The following C17orf78 variants were observed in gnomAD, a reference collection of about 807,000 sequenced individuals.
C17orf78 encodes chromosome 17 open reading frame 78.
C17orf78 carries 27 observed loss-of-function variants against 31.8 expected under a neutral mutation model. The observed-to-expected ratio is 0.85, with a 90% CI of 0.63 to 1.17. C17orf78 has a LOEUF of 1.17. C17orf78 is among the 50% of genes most tolerant of loss of function. C17orf78 has a pLI of 0.00. For synonymous variants in C17orf78, 106 were observed against 115.1 expected, an observed-to-expected ratio of 0.92 and a Z score of 0.51; for missense variants, 258 against 315.2, an observed-to-expected ratio of 0.82 and a Z score of 1.37.
chr17:37,377,348 A>G (rs1484134955), intron 1 of C17orf78, among the ~76,000 whole-genome samples: 2 of 152,112 alleles, frequency 1.3e-5, no homozygotes, highest in South Asian at 2.1e-4. Flanking sequence ...ACTACTTTGT[A>G]TGTATTTGGC....
intron 6 of C17orf78, among the ~76,000 whole-genome samples, chr17:37,389,692 A>C (rs2050707116): frequency 6.6e-6 from 1 of 152,028 alleles, no homozygotes; most frequent in African/African-American, 2.4e-5. Context: ...GTCTCAAAAA[A>C]AAAAGAAAGA....
At chr17:37,382,296 G>A (rs12601443) in intron 3 of C17orf78, among the ~76,000 whole-genome samples, 3 of 151,832 alleles carry the variant, frequency 2.0e-5, no homozygotes, top group Non-Finnish European at 4.4e-5. Flanking sequence ...CTTAACCTCA[G>A]CCTGAAGTTT....
Position 37,388,903 on chromosome 17 carries a change from G to C in C17orf78, c.633+109G>C, listed in dbSNP as rs2050668793. 6 of 1,389,322 alleles carry C rather than the reference G, an allele frequency of 4.3e-6. No individual in the cohort carries two copies. In the East Asian group the frequency reaches 1.4e-4, roughly 33 times the overall value. The allele number at this position is 1,389,322 out of a possible 1,614,324, so 86.1% of individuals were successfully genotyped here. A position where few individuals can be genotyped will look rare whatever the true frequency, so the allele number is the denominator to read the frequency against. ...AAGCATAGACTTTGGAATTTGAGGA[G>C]ATGTGCCACTCACACTCACTAGCTG... On this transcript the variant is annotated intron_variant, in intron 5 of 6. Transcript: ENST00000615133.
chr17:37,390,314 A>ACATAAT lies in C17orf78; in HGVS notation c.750+952_750+953insCATAAT, dbSNP rs1555672296. Among the ~76,000 whole-genome samples the ACATAAT allele has an allele frequency of 5.4e-4, 21 of 38,692 alleles. 6 individuals carry two copies. In the East Asian group the frequency reaches 0.024, roughly 44 times the overall value. 25.4% of individuals were successfully genotyped at this position (38,692 alleles called of 152,430 possible). A position where few individuals can be genotyped will look rare whatever the true frequency, so the allele number is the denominator to read the frequency against. On this transcript the variant is annotated intron_variant, in intron 6 of 6. Coordinates refer to ENST00000615133, the MANE Select transcript of C17orf78 (RefSeq NM_173625.5). ...ATATATTATACATAATTATATATATATATATATATATATATATATAAAAGG... is the reference window on the plus strand; with the variant it reads ...ATATATTATACATAATTATATATATACATAATTATATATATATATATATATAAAAGG...
intron 3 of C17orf78, among the ~76,000 whole-genome samples, chr17:37,383,634 G>A (rs1241678786): frequency 6.6e-6 from 1 of 152,136 alleles, no homozygotes; most frequent in East Asian, 1.9e-4. Context: ...TGCAACCTCC[G>A]CCTCCCAGGT....
chr17:37,391,556 G>A, intron 6 of C17orf78, 91 bp from the exon 7 acceptor site: 2 of 1,108,520 alleles, frequency 1.8e-6, no homozygotes, highest in Non-Finnish European at 2.7e-6. Flanking sequence ...AATTACATGG[G>A]GTTTTGTACT....
At chr17:37,381,848 C>G (rs11871270) in intron 3 of C17orf78, among the ~76,000 whole-genome samples, 3 of 150,916 alleles carry the variant, frequency 2.0e-5, no homozygotes, top group Non-Finnish European at 4.4e-5. Context: ...AGGATGGTCT[C>G]GATCGCCTGA....
intron 3 of C17orf78, among the ~76,000 whole-genome samples, chr17:37,381,777 G>T (rs968731684): frequency 1.1e-4 from 17 of 151,308 alleles, no homozygotes; most frequent in Non-Finnish European, 1.8e-4. Context: ...ACAGGCACTC[G>T]CCACCACACC....
chr17:37,386,555 G>A (rs1597774095), intron 4 of C17orf78, among the ~76,000 whole-genome samples: 1 of 152,092 alleles, frequency 6.6e-6, no homozygotes, highest in Admixed American at 6.6e-5. Context: ...TTGTCCCACT[G>A]CACTCCAGCA....
chr17:37,388,155 G>GA (rs552889702), intron 4 of C17orf78, among the ~76,000 whole-genome samples: 94 of 151,804 alleles, frequency 6.2e-4, no homozygotes, highest in Non-Finnish European at 4.3e-4. Flanking sequence ...GCCAGAGTGA[G>GA]AAAAAAAATG....
intron 2 of C17orf78, among the ~76,000 whole-genome samples, chr17:37,378,790 G>A (rs935029680): frequency 2.6e-5 from 4 of 152,198 alleles, no homozygotes; most frequent in Admixed American, 1.3e-4. Flanking sequence ...GGTCGGGTGC[G>A]GTGGCTCATG....
chr17:37,379,144 CACAG>C lies in C17orf78; in HGVS notation c.155_158del (p.Thr52LysfsTer13). 1 of 1,612,648 alleles carries C rather than the reference CACAG, an allele frequency of 6.2e-7. No individual in the cohort carries two copies. Among genetic ancestry groups the C allele is most frequent in the African/African-American group, 1.3e-5 (1 of 74,960 alleles). On this transcript the variant is annotated frameshift_variant, in exon 3 of 7. Coordinates refer to ENST00000615133, the MANE Select transcript of C17orf78 (RefSeq NM_173625.5). LOFTEE classifies it high-confidence loss of function. ...TGGTTCTTCTCCTTCCAGAAACTCA[CACAG>C]AAACCAAAAGGACAACATTCATTCA...
intron 2 of C17orf78, 116 bp downstream of exon 2, chr17:37,378,081 A>G: frequency 7.4e-6 from 7 of 943,158 alleles, no homozygotes; most frequent in Non-Finnish European, 1.1e-5. Context: ...TATTTTAAGG[A>G]TATGTATCCT....
rs1386032855 is a variant in C17orf78, at chr17:37,390,330, A to ATATATATATATATCTATATATC, written c.750+972_750+973insTATATATATCTATATATCTATA. On this transcript the variant is annotated intron_variant, in intron 6 of 6. Transcript: ENST00000615133. ...TATATATATATATATATATATATAT[A>ATATATATATATATCTATATATC]TATAAAAGGCCAGCTGGGCCGGGCA... is the stretch of plus-strand genomic sequence containing the variant. Among the ~76,000 whole-genome samples the ATATATATATATATCTATATATC allele has an allele frequency of 1.3e-3, 56 of 41,578 alleles. 2 individuals are homozygous for ATATATATATATATCTATATATC. The highest frequency in any genetic ancestry group is 4.9e-3 in the East Asian group (3 of 612). The allele number at this position is 41,578 out of a possible 152,430, so 27.3% of individuals were successfully genotyped here.
chr17:37,390,316 A>AT lies in C17orf78; in HGVS notation c.750+955dup, dbSNP rs1555672312. Among the ~76,000 whole-genome samples, 10 of 50,630 alleles carry AT rather than the reference A, an allele frequency of 2.0e-4. 2 individuals are homozygous for AT. Among genetic ancestry groups the AT allele is most frequent in the African/African-American group, 1.0e-3 (9 of 8,674 alleles). 33.2% of individuals were successfully genotyped at this position (50,630 alleles called of 152,430 possible). On this transcript the variant is annotated intron_variant, in intron 6 of 6. Coordinates refer to ENST00000615133, the MANE Select transcript of C17orf78 (RefSeq NM_173625.5). The stretch of plus-strand genomic sequence containing the variant: ...ATATTATACATAATTATATATATAT[A>AT]TATATATATATATATATAAAAGGCC...
In C17orf78 at chr17:37,376,064, G is replaced by C. The variant is rs756689419; in HGVS notation, c.-29G>C. ...GGCTGTGACAGATGAGCAGTGGTCTGTCTGCAATGAGCATGTGCTCAAGCT... is the reference window on the plus strand; with the variant it reads ...GGCTGTGACAGATGAGCAGTGGTCTCTCTGCAATGAGCATGTGCTCAAGCT... On this transcript the variant is annotated 5_prime_UTR_variant, in exon 1 of 7. Transcript: ENST00000615133. 3.8e-6 allele frequency: 6 copies of C among 1,594,996 alleles called. No homozygotes were observed. Among genetic ancestry groups the C allele is most frequent in the Admixed American group, 1.7e-5 (1 of 59,954 alleles).
chr17:37,376,411 C>T (rs1253569596), intron 1 of C17orf78, among the ~76,000 whole-genome samples: 3 of 152,142 alleles, frequency 2.0e-5, no homozygotes, highest in Non-Finnish European at 4.4e-5. Flanking sequence ...ATTAAAAGTC[C>T]TTTCACTGTT....
rs545733175 is a variant in C17orf78, at chr17:37,376,289, C to A, written c.58+139C>A. ...CCAGAGTTAATCCCATGTATCCACT[C>A]GCCTCTAAGAAGGACTGCAACTTAT... On this transcript the variant is annotated intron_variant, in intron 1 of 6. Transcript: ENST00000615133. 13 of 675,458 alleles carry A rather than the reference C, an allele frequency of 1.9e-5. 1 individual carries two copies. In the South Asian group the frequency reaches 2.1e-4, roughly 11 times the overall value. 41.8% of individuals were successfully genotyped at this position (675,458 alleles called of 1,614,324 possible).
Position 37,388,795 on chromosome 17 carries a change from G to A in C17orf78, c.633+1G>A, listed in dbSNP as rs1165006032. 2.5e-6 allele frequency: 4 copies of A among 1,613,084 alleles called. No individual in the cohort carries two copies. The highest frequency in any genetic ancestry group is 3.4e-6 in the Non-Finnish European group (4 of 1,179,636). ...TGTAATTTTTGAAGTCCCATGTCCT[G>A]TAAGTTTGCTGTTGTATTGAATCCT... On this transcript the variant is annotated splice_donor_variant, in intron 5 of 6. Transcript: ENST00000615133. LOFTEE classifies it high-confidence loss of function.
Sources: gnomAD v4.1 joint callset for allele counts (sites outside exome capture counted in the v4.1 genomes callset) on GRCh38, gnomAD v4.1.1 for gene constraint, MANE v1.5 for transcripts, NCBI Gene and HGNC (gene_info 2026-07-23, HGNC 2026-07-21) for gene names.